Variants in MYO10 observed in about 807,000 individuals in gnomAD.
The protein encoded by MYO10 is myosin X.
Under a neutral mutation model 257.3 loss-of-function variants are expected in MYO10, and 133 were observed. The ratio of observed to expected loss-of-function variants is 0.52; its 90% CI spans 0.45 to 0.60. The LOEUF is 0.60. MYO10 is among the 20% of genes least tolerant of loss of function. MYO10 has a pLI of 0.00. For missense variants in MYO10, 2,399 were observed against 2,635.7 expected, an observed-to-expected ratio of 0.91 and a Z score of 1.97; for synonymous variants, 1,104 against 1,028.6, an observed-to-expected ratio of 1.07 and a Z score of -1.40.
intron 4 of MYO10, among the ~76,000 whole-genome samples, chr5:16,787,021 T>C (rs932585893): frequency 2.6e-5 from 4 of 152,026 alleles, no homozygotes; most frequent in African/African-American, 9.7e-5. Flanking sequence ...ATACAAAAAT[T>C]AGCCAGGCAT....
chr5:16,767,194 A>T (rs1579967698), intron 10 of MYO10, among the ~76,000 whole-genome samples: 1 of 111,958 alleles, frequency 8.9e-6, no homozygotes. Context: ...TTTTTGAGAC[A>T]GAGTCTTGCT....
chr5:16,765,692 T>A (rs2126653497), intron 11 of MYO10, among the ~76,000 whole-genome samples: 1 of 152,312 alleles, frequency 6.6e-6, no homozygotes, highest in Non-Finnish European at 1.5e-5. Flanking sequence ...CAGCATATAT[T>A]TGTTATTTTT....
chr5:16,836,183 T>A (rs569672172), intron 2 of MYO10, among the ~76,000 whole-genome samples: 4 of 152,176 alleles, frequency 2.6e-5, no homozygotes, highest in Non-Finnish European at 5.9e-5. Context: ...CTGGAGATTC[T>A]TTCTTTCTGG....
intron 2 of MYO10, among the ~76,000 whole-genome samples, chr5:16,832,841 C>T (rs1290202278): frequency 2.6e-5 from 4 of 152,208 alleles, no homozygotes; most frequent in Non-Finnish European, 1.5e-5. Context: ...GTGGCTACTT[C>T]CTTACCCCTT....
chr5:16,823,366 A>C (rs1236946361), intron 2 of MYO10, among the ~76,000 whole-genome samples: 7 of 130,220 alleles, frequency 5.4e-5, no homozygotes, highest in South Asian at 2.8e-4. Flanking sequence ...AATCACTTGA[A>C]CCCGGGGGGC....
At chr5:16,932,036 AGAG>A (rs1006214696) in intron 1 of MYO10, among the ~76,000 whole-genome samples, 13 of 152,248 alleles carry the variant, frequency 8.5e-5, no homozygotes, top group Non-Finnish European at 1.8e-4. Flanking sequence ...GTTAAGTAGA[AGAG>A]GTTGGTGTTT....
chr5:16,788,565 A>G (rs1327510425), intron 4 of MYO10, among the ~76,000 whole-genome samples: 1 of 152,088 alleles, frequency 6.6e-6, no homozygotes, highest in Non-Finnish European at 1.5e-5. Flanking sequence ...ACTTTAGAAC[A>G]TGCCACCCCT....
At chr5:16,923,660 C>CCACACACACACACA (rs1746050937) in intron 1 of MYO10, among the ~76,000 whole-genome samples, 1 of 116,194 alleles carries the variant, frequency 8.6e-6, no homozygotes, top group African/African-American at 3.6e-5. Context: ...TTAAACACGC[C>CCACACACACACACA]CATACACACA....
chr5:16,778,688 G>GTTTTTTTTTTTT (rs55880979), intron 9 of MYO10, among the ~76,000 whole-genome samples: 2 of 107,534 alleles, frequency 1.9e-5, no homozygotes, highest in African/African-American at 7.3e-5. Flanking sequence ...CTTTGCTGAG[G>GTTTTTTTTTTTT]TTTTTTTTTT....
chr5:16,890,096 A>G (rs559444341), intron 1 of MYO10, among the ~76,000 whole-genome samples: 13 of 152,038 alleles, frequency 8.6e-5, no homozygotes, highest in East Asian at 1.9e-4. Context: ...GCCATTTGTC[A>G]TTTCTGTTTC....
chr5:16,784,982 G>A (rs747058), intron 4 of MYO10, among the ~76,000 whole-genome samples: 2,911 of 127,662 alleles, frequency 0.023, 102 homozygotes, highest in African/African-American at 0.08. Flanking sequence ...CAAGGGTACT[G>A]TGGGCTCCTA....
rs375804026 is a variant in MYO10, at chr5:16,724,868, G to C, written c.1930-13623C>G. 8.1e-4 allele frequency among the ~76,000 whole-genome samples: 123 copies of C among 152,250 alleles called. 2 individuals are homozygous for C. In the South Asian group the frequency reaches 0.025, roughly 31 times the overall value. ...CTCCTGAGGAAGACCATTCGTACTAGTTTCCTGTGTCTCCTTCAGGCACAG... is the reference window on the plus strand; with the variant it reads ...CTCCTGAGGAAGACCATTCGTACTACTTTCCTGTGTCTCCTTCAGGCACAG... On this transcript the variant is annotated intron_variant, in intron 19 of 40. Transcript: ENST00000513610.
chr5:16,809,472 G>GC (rs1742369689), intron 3 of MYO10, among the ~76,000 whole-genome samples: 1 of 152,248 alleles, frequency 6.6e-6, no homozygotes, highest in African/African-American at 2.4e-5. Flanking sequence ...GGCAGGGTAT[G>GC]CCCAGCCTTC....
chr5:16,741,571 A>G (rs1466439289), intron 19 of MYO10, among the ~76,000 whole-genome samples: 1 of 152,214 alleles, frequency 6.6e-6, no homozygotes, highest in Non-Finnish European at 1.5e-5. Flanking sequence ...ATATTGCATT[A>G]TCAACGCCTT....
At chr5:16,699,785 TCAAAAA>T in intron 25 of MYO10, 1 of 56,238 alleles carries the variant, frequency 1.8e-5, no homozygotes, top group Non-Finnish European at 2.7e-5. Context: ...AGCCTCAGTC[TCAAAAA>T]AAAAAAAAAA....
intron 35 of MYO10, 62 bp from the exon 36 acceptor site, chr5:16,673,951 TA>T (rs1440381949): frequency 6.7e-7 from 1 of 1,485,014 alleles, no homozygotes; most frequent in African/African-American, 1.4e-5. Flanking sequence ...TGGGAGGAAC[TA>T]GGCTGTGCCA....
chr5:16,872,242 G>A (rs1744473453), intron 2 of MYO10, among the ~76,000 whole-genome samples: 1 of 152,164 alleles, frequency 6.6e-6, no homozygotes, highest in African/African-American at 2.4e-5. Flanking sequence ...GGAATAAAAA[G>A]TATCTTGAGA....
In MYO10 at chr5:16,892,137, G is replaced by C. The variant is rs1580121732; in HGVS notation, c.22-14430C>G. 2.6e-5 allele frequency among the ~76,000 whole-genome samples: 4 copies of C among 152,258 alleles called. No individual in the cohort carries two copies. In the East Asian group the frequency reaches 5.8e-4, roughly 22 times the overall value. The stretch of plus-strand genomic sequence containing the variant: ...AGAAACCATGCTACCAAGAGAGAGA[G>C]GCAGGGCTGCTGGAAGGTTTCAGTA... On this transcript the variant is annotated intron_variant, in intron 1 of 40. Transcript: ENST00000513610.
At chr5:16,845,351 C>T (rs950069709) in intron 2 of MYO10, among the ~76,000 whole-genome samples, 3 of 152,114 alleles carry the variant, frequency 2.0e-5, no homozygotes, top group Non-Finnish European at 4.4e-5. Flanking sequence ...TTATGTCCTT[C>T]CCATTTTCGG....
Sources: allele counts gnomAD v4.1 joint callset (sites outside exome capture counted in the v4.1 genomes callset), GRCh38; gene constraint gnomAD v4.1.1; transcripts MANE v1.5; gene names NCBI Gene and HGNC (gene_info 2026-07-23, HGNC 2026-07-21).